Variants in KCNH8 observed in about 807,000 individuals in gnomAD.
KCNH8 encodes the protein voltage-gated delayed rectifier potassium channel KCNH8.
A neutral mutation model predicts 103.6 loss-of-function variants in KCNH8; 70 were observed. The observed-to-expected ratio is 0.68, with a 90% CI of 0.56 to 0.82. KCNH8 has a LOEUF of 0.82. Among genes scored for constraint, KCNH8 ranks in the 40% least tolerant of loss-of-function variants. The pLI is 0.00. For missense variants in KCNH8, 1,217 were observed against 1,329.9 expected (o/e 0.92, Z 1.32); for synonymous variants, 498 against 489.4 (o/e 1.02, Z -0.23).
intron 11 of KCNH8, among the ~76,000 whole-genome samples, chr3:19,459,556 CTT>C (rs1343007856): frequency 6.6e-6 from 1 of 151,928 alleles, no homozygotes; most frequent in Non-Finnish European, 1.5e-5. Context: ...TAGATTGTCT[CTT>C]GATTCTGTTG....
intron 1 of KCNH8, among the ~76,000 whole-genome samples, chr3:19,180,697 TTTTG>T (rs201691366): frequency 7.2e-5 from 11 of 151,952 alleles, no homozygotes; most frequent in African/African-American, 1.2e-4. Context: ...TTGTTTGTTT[TTTTG>T]TTTGTTTGTT....
Position 19,391,006 on chromosome 3 carries a change from A to AT in KCNH8, c.969+377dup, listed in dbSNP as rs928031238. Among the ~76,000 whole-genome samples, 6 of 151,562 alleles carry AT rather than the reference A, an allele frequency of 4.0e-5. No homozygotes were observed. The South Asian group carries it at 6.3e-4, about 16-fold the overall frequency. ...CAAGAATTTGCTAGAGAGTTTGAAG[A>AT]TTTTTTTTTCTGCTTGTATGACCCT... On this transcript the variant is annotated intron_variant, in intron 6 of 15. Coordinates refer to ENST00000328405, the MANE Select transcript of KCNH8 (RefSeq NM_144633.3).
chr3:19,264,777 T>A (rs1042031252), intron 2 of KCNH8, among the ~76,000 whole-genome samples: 2 of 152,132 alleles, frequency 1.3e-5, no homozygotes, highest in African/African-American at 4.8e-5. Flanking sequence ...CCTGTGTTGT[T>A]GCTTCAATTT....
At chr3:19,275,054 G>T (rs1559454010) in intron 2 of KCNH8, among the ~76,000 whole-genome samples, 1 of 151,138 alleles carries the variant, frequency 6.6e-6, no homozygotes, top group Admixed American at 6.6e-5. Flanking sequence ...TATTGCTCCA[G>T]TCTTGAACTC....
chr3:19,258,941 C>A (rs558117816), intron 2 of KCNH8, among the ~76,000 whole-genome samples: 778 of 63,884 alleles, frequency 0.012, 2 homozygotes, highest in African/African-American at 0.031. Flanking sequence ...CTCTCTCTCT[C>A]TCTCTCTATA....
In KCNH8 at chr3:19,167,750, G is replaced by A. The variant is rs150277743; in HGVS notation, c.76+18955G>A. On this transcript the variant is annotated intron_variant, in intron 1 of 15. Coordinates refer to ENST00000328405, the MANE Select transcript of KCNH8 (RefSeq NM_144633.3). The stretch of plus-strand genomic sequence containing the variant: ...AATAGAGAAATTACAGATGCCCTGC[G>A]TCCAGTGTCTTCCAGGGTATTCAAC... Among the ~76,000 whole-genome samples, 126 of 152,220 alleles carry A rather than the reference G, an allele frequency of 8.3e-4. No homozygotes were observed. In the South Asian group the frequency reaches 0.013, roughly 16 times the overall value.
chr3:19,304,223 G>C (rs1053081226), intron 3 of KCNH8, among the ~76,000 whole-genome samples: 16 of 152,106 alleles, frequency 1.1e-4, no homozygotes, highest in Admixed American at 9.8e-4. Flanking sequence ...ATCAGACCTT[G>C]TCCATCCACA....
intron 3 of KCNH8, among the ~76,000 whole-genome samples, chr3:19,284,184 C>T (rs1232874008): frequency 2.0e-5 from 3 of 151,898 alleles, no homozygotes; most frequent in Non-Finnish European, 4.4e-5. Flanking sequence ...CCCAGTGTTG[C>T]ACCTTCTGCA....
chr3:19,307,463 C>G (rs905890889), intron 3 of KCNH8, among the ~76,000 whole-genome samples: 6 of 151,874 alleles, frequency 4.0e-5, no homozygotes, highest in African/African-American at 1.5e-4. Context: ...AGTACAGCCA[C>G]TACAAAGGAC....
chr3:19,479,446 T>A (rs1371979487), intron 11 of KCNH8, among the ~76,000 whole-genome samples: 2 of 152,182 alleles, frequency 1.3e-5, no homozygotes, highest in Admixed American at 6.5e-5. Flanking sequence ...TAGTAGAGAC[T>A]CTGTTACTCA....
chr3:19,320,790 C>T (rs1332416368), intron 3 of KCNH8, among the ~76,000 whole-genome samples: 1 of 151,886 alleles, frequency 6.6e-6, no homozygotes, highest in Non-Finnish European at 1.5e-5. Context: ...TAGGATTCAG[C>T]TGTGAATCTA....
intron 3 of KCNH8, among the ~76,000 whole-genome samples, chr3:19,291,707 G>A (rs907470358): frequency 1.3e-5 from 2 of 152,140 alleles, no homozygotes; most frequent in African/African-American, 4.8e-5. Flanking sequence ...GTGCTGAAAA[G>A]AATGTATATT....
At chr3:19,295,249 C>T (rs571359376) in intron 3 of KCNH8, among the ~76,000 whole-genome samples, 10 of 151,898 alleles carry the variant, frequency 6.6e-5, no homozygotes, top group Non-Finnish European at 1.2e-4. Flanking sequence ...CCTGGTGTGG[C>T]GGTTCATACC....
chr3:19,355,440 T>G (rs1368066934), intron 5 of KCNH8, among the ~76,000 whole-genome samples: 21 of 152,194 alleles, frequency 1.4e-4, no homozygotes, highest in Non-Finnish European at 2.9e-4. Flanking sequence ...ACACATATGT[T>G]TATTGCAGCA....
intron 1 of KCNH8, among the ~76,000 whole-genome samples, chr3:19,149,548 G>A (rs566253372): frequency 6.6e-6 from 1 of 151,950 alleles, no homozygotes; most frequent in Non-Finnish European, 1.5e-5. Flanking sequence ...GCTAGCAGAC[G>A]GTTCGTTATC....
At chr3:19,444,992 T>C (rs2067341884) in intron 8 of KCNH8, among the ~76,000 whole-genome samples, 2 of 151,944 alleles carry the variant, frequency 1.3e-5, no homozygotes, top group Non-Finnish European at 1.5e-5. Flanking sequence ...ATATAACCAA[T>C]GGAAATGCAT....
At chr3:19,170,703 TACACATATATACAC>T (rs1186901089) in intron 1 of KCNH8, among the ~76,000 whole-genome samples, 4,595 of 144,924 alleles carry the variant, frequency 0.032, 101 homozygotes, top group Non-Finnish European at 0.053. Flanking sequence ...CACATATATA[TACACATATATACAC>T]ACACATATAT....
chr3:19,432,223 A>C (rs1196675939), intron 7 of KCNH8, among the ~76,000 whole-genome samples: 3 of 152,152 alleles, frequency 2.0e-5, no homozygotes, highest in Admixed American at 6.6e-5. Context: ...TTTGGAAAAA[A>C]ACGTGATTAG....
chr3:19,527,801 G>A (rs867160627), intron 15 of KCNH8, among the ~76,000 whole-genome samples: 5 of 152,054 alleles, frequency 3.3e-5, no homozygotes, highest in East Asian at 3.9e-4. Context: ...GAGCAAATGC[G>A]TTGCCTGCAA....
Sources: allele counts gnomAD v4.1 joint callset (sites outside exome capture counted in the v4.1 genomes callset), GRCh38; gene constraint gnomAD v4.1.1; transcripts MANE v1.5; gene names NCBI Gene and HGNC (gene_info 2026-07-23, HGNC 2026-07-21).